The following CNTNAP3 variants were observed in gnomAD, a reference collection of about 807,000 sequenced individuals.
CNTNAP3 encodes the protein contactin associated protein family member 3.
Under a neutral mutation model 92.1 loss-of-function variants are expected in CNTNAP3, and 36 were observed. The observed-to-expected ratio is 0.39, with a 90% CI of 0.30 to 0.52. The LOEUF is 0.52. Among genes scored for constraint, CNTNAP3 ranks in the 20% least tolerant of loss-of-function variants. The pLI, the probability that CNTNAP3 is intolerant of heterozygous loss-of-function variation, is 0.76. For missense variants in CNTNAP3, 534 were observed against 1,069.6 expected, an observed-to-expected ratio of 0.50 and a Z score of 6.98; for synonymous variants, 232 against 422.3, an observed-to-expected ratio of 0.55 and a Z score of 5.53.
At chr9:39,111,868 T>C (rs1826756354) in intron 14 of CNTNAP3, among the ~76,000 whole-genome samples, 1 of 152,104 alleles carries the variant, frequency 6.6e-6, no homozygotes, top group South Asian at 2.1e-4. Flanking sequence ...TTTCAGTTGT[T>C]TTGGAAAGTC....
chr9:39,109,378 A>G (rs1185145764), intron 14 of CNTNAP3, 91 bp from the exon 15 acceptor site: 3 of 1,553,916 alleles, frequency 1.9e-6, no homozygotes, highest in Non-Finnish European at 2.6e-6. Flanking sequence ...TGAAACCAAC[A>G]TCATAGAGCT....
intron 2 of CNTNAP3, among the ~76,000 whole-genome samples, chr9:39,248,572 G>T: frequency 7.9e-5 from 2 of 25,300 alleles, no homozygotes; most frequent in African/African-American, 1.1e-4. Context: ...TTACATTTTT[G>T]CATTTACTTT....
At chr9:39,121,891 A>T (rs1231659379) in intron 13 of CNTNAP3, among the ~76,000 whole-genome samples, 5 of 152,106 alleles carry the variant, frequency 3.3e-5, no homozygotes, top group Admixed American at 6.5e-5. Flanking sequence ...ATCCCCCAAA[A>T]AGCTAGTTTA....
intron 14 of CNTNAP3, among the ~76,000 whole-genome samples, chr9:39,114,031 T>TACACAC (rs201660566): frequency 8.3e-5 from 11 of 132,122 alleles, no homozygotes; most frequent in African/African-American, 2.9e-4. Flanking sequence ...TATACACACA[T>TACACAC]ATATACACAC....
intron 13 of CNTNAP3, among the ~76,000 whole-genome samples, chr9:39,130,642 C>T (rs535481998): frequency 1.3e-5 from 2 of 152,068 alleles, no homozygotes; most frequent in Non-Finnish European, 2.9e-5. Context: ...GTAGCTGGGA[C>T]TACAGGCACC....
chr9:39,147,297 G>A lies in CNTNAP3; in HGVS notation c.1649+2509C>T, dbSNP rs566141136. On this transcript the variant is annotated intron_variant, in intron 10 of 23. Coordinates refer to ENST00000297668, the MANE Select transcript of CNTNAP3 (RefSeq NM_033655.5). Reference sequence around the variant, plus strand: ...TTGTTTGTTAACAACAACAAAGAAAGGCTGACATGCTTACAGGCCTGTTTT... The same window carrying A: ...TTGTTTGTTAACAACAACAAAGAAAAGCTGACATGCTTACAGGCCTGTTTT... Among the ~76,000 whole-genome samples, 13 of 150,174 alleles carry A rather than the reference G, an allele frequency of 8.7e-5. No homozygotes were observed. In the South Asian group the frequency reaches 1.7e-3, roughly 20 times the overall value.
intron 10 of CNTNAP3, among the ~76,000 whole-genome samples, chr9:39,148,695 T>G (rs1312928648): frequency 6.6e-6 from 1 of 152,062 alleles, no homozygotes; most frequent in African/African-American, 2.4e-5. Context: ...CTGGCTAATT[T>G]TTTGCATTTT....
At chr9:39,091,379 T>C (rs1200998499) in intron 18 of CNTNAP3, among the ~76,000 whole-genome samples, 1 of 152,130 alleles carries the variant, frequency 6.6e-6, no homozygotes, top group Non-Finnish European at 1.5e-5. Flanking sequence ...CTATAATTAG[T>C]TTACTGAATT....
rs1200363674 is a variant in CNTNAP3 at position 39,071,243 on chromosome 9, C to T, written c.*2647G>A. ...AGTAATAGAGACAGAGTAATAGAGACACGGGGTAGAATATGTCACGTATCA... is the reference window on the plus strand; with the variant it reads ...AGTAATAGAGACAGAGTAATAGAGATACGGGGTAGAATATGTCACGTATCA... On this transcript the variant is annotated 3_prime_UTR_variant, in exon 24 of 24. Coordinates refer to ENST00000297668, the MANE Select transcript of CNTNAP3 (RefSeq NM_033655.5). Among the ~76,000 whole-genome samples the T allele has an allele frequency of 6.7e-6, 1 of 148,476 alleles. No homozygotes were observed. The highest frequency in any genetic ancestry group is 1.9e-4 in the East Asian group (1 of 5,196).
chr9:39,086,027 A>G, intron 20 of CNTNAP3: 1 of 639,926 alleles, frequency 1.6e-6, no homozygotes, highest in South Asian at 2.0e-5. Context: ...ATCAGCTACC[A>G]CTCTATCCAC....
intron 17 of CNTNAP3, 146 bp from the exon 18 acceptor site, chr9:39,100,296 T>C (rs1285427250): frequency 2.0e-6 from 3 of 1,538,144 alleles, no homozygotes; most frequent in Non-Finnish European, 8.8e-7. Context: ...TTTGAAAATG[T>C]AACTGTTATG....
intron 21 of CNTNAP3, among the ~76,000 whole-genome samples, chr9:39,079,676 C>CT (rs1564067384): frequency 8.3e-6 from 1 of 121,174 alleles, no homozygotes; most frequent in African/African-American, 3.8e-5. Flanking sequence ...CACATTATTT[C>CT]TTTTTTTCCT....
At position 39,065,580 on chromosome 9, in the gene CNTNAP3, A is replaced by C. The variant is rs1221615404; in HGVS notation, c.*8310T>G. On this transcript the variant is annotated 3_prime_UTR_variant, in exon 24 of 24. Coordinates refer to ENST00000297668, the MANE Select transcript of CNTNAP3 (RefSeq NM_033655.5). The stretch of plus-strand genomic sequence containing the variant: ...TTCCTAAGTGGTTGTAGCATTTTAC[A>C]TTCCAACAATAATGTATGAGAATTA... Among the ~76,000 whole-genome samples, 1,164 of 150,116 alleles carry C rather than the reference A, an allele frequency of 7.8e-3. No individual in the cohort carries two copies. The highest frequency in any genetic ancestry group is 9.9e-3 in the Non-Finnish European group (661 of 66,652).
At chr9:39,082,331 A>G (rs1825963871) in intron 21 of CNTNAP3, among the ~76,000 whole-genome samples, 4 of 151,680 alleles carry the variant, frequency 2.6e-5, no homozygotes. Context: ...ATGCCCACTG[A>G]ATCCTGGTTA....
At chr9:39,120,327 T>C (rs1820983637) in intron 13 of CNTNAP3, among the ~76,000 whole-genome samples, 1 of 152,118 alleles carries the variant, frequency 6.6e-6, no homozygotes, top group Non-Finnish European at 1.5e-5. Flanking sequence ...AAAAGAATTG[T>C]CAACTATAAA....
rs545574334 is a variant in CNTNAP3 at position 39,150,212 on chromosome 9, A to G, written c.1478-235T>C. On this transcript the variant is annotated intron_variant, in intron 9 of 23. Coordinates refer to ENST00000297668, the MANE Select transcript of CNTNAP3 (RefSeq NM_033655.5). The stretch of plus-strand genomic sequence containing the variant: ...GGGAAAATTCAGATCTAAAATTCCT[A>G]TAACAGGAATTATTTCCCAACCAAG... 1.3e-4 allele frequency among the ~76,000 whole-genome samples: 19 copies of G among 151,958 alleles called. No homozygotes were observed. In the South Asian group the frequency reaches 4.0e-3, roughly 32 times the overall value.
intron 9 of CNTNAP3, chr9:39,159,058 C>A (rs1413075915): frequency 6.9e-6 from 1 of 144,370 alleles, no homozygotes; most frequent in Non-Finnish European, 1.5e-5. Flanking sequence ...ATAAGGACAA[C>A]TTTACTTATG....
At chr9:39,111,921 C>T (rs3882738) in intron 14 of CNTNAP3, among the ~76,000 whole-genome samples, 21,256 of 151,840 alleles carry the variant, frequency 0.14, 1,841 homozygotes, top group African/African-American at 0.24. Context: ...GTGTTTTTCA[C>T]CAGTTTCTTA....
Position 39,159,411 on chromosome 9 carries a change from A to AT in CNTNAP3, c.1477+6521dup, listed in dbSNP as rs1554651724. On this transcript the variant is annotated intron_variant, in intron 9 of 23. Coordinates refer to ENST00000297668, the MANE Select transcript of CNTNAP3 (RefSeq NM_033655.5). The stretch of plus-strand genomic sequence containing the variant: ...TAAAAAACATTTTATATATATATAT[A>AT]TTTTTTTTTCCAGTGATTATCCTGC... 205 of 129,334 alleles carry AT rather than the reference A, an allele frequency of 1.6e-3. 3 individuals carry two copies. The highest frequency in any genetic ancestry group is 4.6e-3 in the South Asian group (19 of 4,148). The allele number at this position is 129,334 out of a possible 1,614,324, so 8.0% of individuals were successfully genotyped here.
Sources: allele counts gnomAD v4.1 joint callset (sites outside exome capture counted in the v4.1 genomes callset), GRCh38; gene constraint gnomAD v4.1.1; transcripts MANE v1.5; gene names NCBI Gene and HGNC (gene_info 2026-07-23, HGNC 2026-07-21).